CTDP1: variants seen among roughly 807,000 people sequenced by gnomAD.
CTDP1 encodes the protein CTD phosphatase 1, also known as RNA polymerase II subunit A C-terminal domain phosphatase.
A neutral mutation model predicts 91.8 loss-of-function variants in CTDP1; 47 were observed. The ratio of observed to expected loss-of-function variants is 0.51; its 90% CI spans 0.41 to 0.65. The LOEUF (loss-of-function observed/expected upper bound fraction) is 0.65. Among genes scored for constraint, CTDP1 ranks in the 30% least tolerant of loss-of-function variants. The pLI, the probability that CTDP1 is intolerant of heterozygous loss-of-function variation, is 0.00. For missense variants in CTDP1, 1,272 were observed against 1,373.7 expected (o/e 0.93, Z 1.17); for synonymous variants, 656 against 598.5 (o/e 1.10, Z -1.40).
intron 4 of CTDP1, among the ~76,000 whole-genome samples, chr18:79,698,251 C>G (rs568538453): frequency 6.6e-6 from 1 of 152,282 alleles, no homozygotes; most frequent in African/African-American, 2.4e-5. Flanking sequence ...GCCTGCCCGG[C>G]ACGATGTCGG....
chr18:79,679,591 C>T (rs531984862), upstream of CTDP1: 4 of 472,756 alleles, frequency 8.5e-6, no homozygotes, highest in South Asian at 4.6e-5. Context: ...GTCACTGGGA[C>T]TGGGCGACAG....
chr18:79,693,893 G>A (rs928084055), intron 1 of CTDP1, among the ~76,000 whole-genome samples: 4 of 137,990 alleles, frequency 2.9e-5, no homozygotes, highest in Non-Finnish European at 4.6e-5. Flanking sequence ...CCGCCCCTCC[G>A]CTCCCCTGCA....
At chr18:79,753,256 C>A (rs529450507) in intron 12 of CTDP1, among the ~76,000 whole-genome samples, 72 of 152,342 alleles carry the variant, frequency 4.7e-4, no homozygotes, top group African/African-American at 1.7e-3. Context: ...AGACCGTGGC[C>A]CACTTGATGA....
intron 5 of CTDP1, among the ~76,000 whole-genome samples, chr18:79,706,557 G>GTT (rs879462129): frequency 2.0e-5 from 3 of 148,882 alleles, no homozygotes; most frequent in African/African-American, 7.4e-5. Flanking sequence ...CTATTCTCTG[G>GTT]TTTTTTTTTT....
At chr18:79,738,637 C>T (rs1437593290) in intron 12 of CTDP1, among the ~76,000 whole-genome samples, 2 of 152,216 alleles carry the variant, frequency 1.3e-5, no homozygotes, top group African/African-American at 4.8e-5. Context: ...AAGAAAAGAG[C>T]GTAACTCATT....
In CTDP1 at chr18:79,679,941, G is replaced by A. The variant is rs946263206; in HGVS notation, c.-7G>A. 2.9e-6 allele frequency: 4 copies of A among 1,384,414 alleles called. No individual in the cohort carries two copies. In the African/African-American group the frequency reaches 4.6e-5, roughly 16 times the overall value. 85.8% of individuals were successfully genotyped at this position (1,384,414 alleles called of 1,614,324 possible). A position where few individuals can be genotyped will look rare whatever the true frequency, so the allele number is the denominator to read the frequency against. ...CGTACCGACCGCCCGCCCGCCCTCT[G>A]TCCGCGATGGAGGTGCCGGCCGCGG... On this transcript the variant is annotated 5_prime_UTR_variant, in exon 1 of 13. Coordinates refer to ENST00000613122, the MANE Select transcript of CTDP1 (RefSeq NM_004715.5).
intron 1 of CTDP1, among the ~76,000 whole-genome samples, chr18:79,681,246 G>A (rs578257557): frequency 6.6e-6 from 1 of 152,354 alleles, no homozygotes; most frequent in South Asian, 2.1e-4. Flanking sequence ...CGCTTCCTTT[G>A]GAGACAGAGC....
In CTDP1 at chr18:79,728,949, G is replaced by GC; in HGVS notation, c.2462dup (p.Asp822Ter). 6.2e-7 allele frequency: 1 copy of GC among 1,614,200 alleles called. No homozygotes were observed. Among genetic ancestry groups the GC allele is most frequent in the Non-Finnish European group, 8.5e-7 (1 of 1,180,040 alleles). On this transcript the variant is annotated frameshift_variant, in exon 11 of 13. Transcript: ENST00000613122. LOFTEE classifies it high-confidence loss of function. ...AGCCGCAGATGTTTGGTGAAGAGCT[G>GC]CCTGACGCTCAGGACGGAGAGCAGC...
At chr18:79,730,351 C>T (rs1267175499) in intron 11 of CTDP1, among the ~76,000 whole-genome samples, 1 of 152,204 alleles carries the variant, frequency 6.6e-6, no homozygotes, top group Non-Finnish European at 1.5e-5. Flanking sequence ...CTCTTCCTGC[C>T]TGGAAGCTGC....
intron 10 of CTDP1, among the ~76,000 whole-genome samples, chr18:79,724,523 A>G (rs953429497): frequency 1.1e-4 from 16 of 152,134 alleles, no homozygotes; most frequent in Non-Finnish European, 2.2e-4. Flanking sequence ...TGTGGCTGTA[A>G]CCTGCATTTC....
intron 1 of CTDP1, 80 bp downstream of exon 1, chr18:79,680,341 C>G (rs901153928): frequency 1.7e-6 from 2 of 1,160,676 alleles, no homozygotes; most frequent in Admixed American, 8.6e-5. Context: ...CTGCTGCGTC[C>G]GCGGTGGGCA....
rs181671456 is a variant in CTDP1 at position 79,737,541 on chromosome 18, T to G, written c.2747+1020T>G. ...GGATCTCTGTGCTGCTGTCGAATGG[T>G]GGGGAGGAGCCGGTTTGCTTTGAGA... On this transcript the variant is annotated intron_variant, in intron 12 of 12. Coordinates refer to ENST00000613122, the MANE Select transcript of CTDP1 (RefSeq NM_004715.5). Among the ~76,000 whole-genome samples the G allele has an allele frequency of 2.9e-3, 438 of 152,202 alleles. 3 individuals are homozygous for G. Among genetic ancestry groups the G allele is most frequent in the Admixed American group, 4.4e-3 (67 of 15,296 alleles).
At chr18:79,691,227 T>C (rs1296550531) in intron 1 of CTDP1, among the ~76,000 whole-genome samples, 13 of 152,222 alleles carry the variant, frequency 8.5e-5, no homozygotes, top group African/African-American at 2.9e-4. Flanking sequence ...CAGCAGGCAG[T>C]GCGCACCCGA....
intron 12 of CTDP1, among the ~76,000 whole-genome samples, chr18:79,749,471 A>C (rs960038988): frequency 7.1e-6 from 1 of 141,492 alleles, no homozygotes; most frequent in Non-Finnish European, 1.6e-5. Context: ...GCACACAGGC[A>C]GGGAGCCGGG....
intron 10 of CTDP1, among the ~76,000 whole-genome samples, chr18:79,718,517 G>A (rs571931605): frequency 6.6e-6 from 1 of 152,184 alleles, no homozygotes; most frequent in African/African-American, 2.4e-5. Flanking sequence ...AACTTGATTG[G>A]ACTGGAAGGC....
intron 10 of CTDP1, among the ~76,000 whole-genome samples, chr18:79,718,270 C>G (rs987376861): frequency 1.8e-4 from 27 of 152,306 alleles, no homozygotes; most frequent in African/African-American, 5.5e-4. Context: ...GTCCAGGCAC[C>G]CGCATGTGCC....
intron 8 of CTDP1, among the ~76,000 whole-genome samples, chr18:79,716,963 G>C (rs914007195): frequency 6.6e-6 from 1 of 152,072 alleles, no homozygotes; most frequent in Non-Finnish European, 1.5e-5. Flanking sequence ...AGCCCTGGTG[G>C]GGTGCAGCCG....
rs1281728977 is a variant in CTDP1, at chr18:79,680,154, C to T, written c.207C>T (p.Ala69=). The T allele has an allele frequency of 2.1e-6, 3 of 1,401,236 alleles. No homozygotes were observed. Among genetic ancestry groups the T allele is most frequent in the East Asian group, 3.2e-5 (1 of 31,734 alleles). 86.8% of individuals were successfully genotyped at this position (1,401,236 alleles called of 1,614,324 possible). A position where few individuals can be genotyped will look rare whatever the true frequency, so the allele number is the denominator to read the frequency against. ...CCGGGGCCTCTCAGTCCCGTGTAGC[C>T]TCCGGGGGCTGCGTGCGCCCCGCGC... ...QSSGASQSRV[A]SGGCVRPARP... The change falls in exon 1 of 13, where the codon GCC becomes GCT. Residue 69 remains alanine (A), a synonymous_variant. Transcript: ENST00000613122.
intron 5 of CTDP1, among the ~76,000 whole-genome samples, chr18:79,709,507 A>C (rs1335773403): frequency 6.6e-6 from 1 of 152,254 alleles, no homozygotes; most frequent in Non-Finnish European, 1.5e-5. Context: ...ACTATCTTTA[A>C]GGAGTCGAAG....
Sources: allele counts gnomAD v4.1 joint callset (sites outside exome capture counted in the v4.1 genomes callset), GRCh38; gene constraint gnomAD v4.1.1; transcripts MANE v1.5; gene names NCBI Gene and HGNC (gene_info 2026-07-23, HGNC 2026-07-21).